Variants in DNAAF8 observed in about 807,000 individuals in gnomAD.
The protein encoded by DNAAF8 is dynein axonemal assembly factor 8, also known as dynein axonemal-associated protein 1.
A neutral mutation model predicts 54.6 loss-of-function variants in DNAAF8; 61 were observed. That is an observed-to-expected ratio of 1.12 (90% CI 0.91 to 1.38). The LOEUF (loss-of-function observed/expected upper bound fraction) is 1.38. Ranked by LOEUF, DNAAF8 falls within the 40% of genes most tolerant of loss-of-function variation. The pLI is 0.00. For synonymous variants in DNAAF8, 320 were observed against 270.1 expected (o/e 1.18, Z -1.81); for missense variants, 837 against 665.0 (o/e 1.26, Z -2.85).
At position 4,748,853 on chromosome 16, in the gene DNAAF8, G is replaced by T. The variant is rs1441835883; in HGVS notation, c.*138G>T. 6.6e-6 allele frequency: 1 copy of T among 152,348 alleles called. No homozygotes were observed. Among genetic ancestry groups the T allele is most frequent in the Non-Finnish European group, 1.5e-5 (1 of 68,152 alleles). 9.4% of individuals were successfully genotyped at this position (152,348 alleles called of 1,614,324 possible). A position where few individuals can be genotyped will look rare whatever the true frequency, so the allele number is the denominator to read the frequency against. ...TGGGACAGTGTCCCAGCTTCCCCTG[G>T]GGTTCACCCCTGGCTGCCAGGCCAC... On this transcript the variant is annotated 3_prime_UTR_variant, in exon 10 of 10. Transcript: ENST00000299320.
chr16:4,748,701 T>C (rs1426695362), intron 9 of DNAAF8, 24 bp from the exon 10 acceptor site: 1 of 152,380 alleles, frequency 6.6e-6, no homozygotes, highest in Non-Finnish European at 1.5e-5. Flanking sequence ...GGGCACCTGT[T>C]TGTCTCCCCA....
At chr16:4,748,509 G>A (rs1160184553) in intron 9 of DNAAF8, 1 of 152,110 alleles carries the variant, frequency 6.6e-6, no homozygotes. Flanking sequence ...TGTGTAGAAT[G>A]GAGCAGCGGC....
At chr16:4,747,120 G>A in intron 8 of DNAAF8, 95 bp downstream of exon 8, 1 of 1,302,814 alleles carries the variant, frequency 7.7e-7, no homozygotes, top group Non-Finnish European at 1.0e-6. Flanking sequence ...CTGTGGTGAG[G>A]TCTTGCTGCA....
intron 6 of DNAAF8, 135 bp from the exon 7 acceptor site, chr16:4,746,240 G>A (rs1203470204): frequency 1.0e-6 from 1 of 973,404 alleles, no homozygotes; most frequent in Non-Finnish European, 1.5e-6. Context: ...GAGCAAATGT[G>A]TTTAATGTGC....
At position 4,745,040 on chromosome 16, in the gene DNAAF8, G is replaced by A. The variant is rs201388594; in HGVS notation, c.1043+29G>A. On this transcript the variant is annotated intron_variant, in intron 6 of 9. Coordinates refer to ENST00000299320, the MANE Select transcript of DNAAF8 (RefSeq NM_139170.3). The stretch of plus-strand genomic sequence containing the variant: ...GGACTTGTAGCCAGGCCCGGCTCCT[G>A]TGGTCCTTTAGAATGGCCCCATGGT... 5.5e-5 allele frequency: 88 copies of A among 1,605,716 alleles called. 1 individual carries two copies. In the South Asian group the frequency reaches 8.1e-4, roughly 15 times the overall value.
chr16:4,734,664 C>G lies in DNAAF8; in HGVS notation c.-86C>G, dbSNP rs1291368404. 3 of 152,174 alleles carry G rather than the reference C, an allele frequency of 2.0e-5. No individual in the cohort carries two copies. The highest frequency in any genetic ancestry group is 2.9e-5 in the Non-Finnish European group (2 of 68,090). 9.4% of individuals were successfully genotyped at this position (152,174 alleles called of 1,614,324 possible). ...CGCTGGAGGCTGTTTATAGCGCTGTCAGGACAGCGCGGGGAGTGGAGGCAG... is the reference window on the plus strand; with the variant it reads ...CGCTGGAGGCTGTTTATAGCGCTGTGAGGACAGCGCGGGGAGTGGAGGCAG... On this transcript the variant is annotated 5_prime_UTR_variant, in exon 1 of 10. Transcript: ENST00000299320.
At position 4,747,561 on chromosome 16, in the gene DNAAF8, TG is replaced by T; in HGVS notation, c.1504del (p.Asp502MetfsTer12). On this transcript the variant is annotated frameshift_variant, in exon 9 of 10. Coordinates refer to ENST00000299320, the MANE Select transcript of DNAAF8 (RefSeq NM_139170.3). LOFTEE classifies it high-confidence loss of function. ...ARLPRGRPRALGDVPEPGAAR... is the reference protein window; with the variant it reads ...ARLPRGRPRAXGDVPEPGAAR... ...CTCCCAAGAGGCAGGCCCAGAGCCC[TG>T]GGGGATGTTCCTGAGCCAGGGGCAG... 6.2e-7 allele frequency: 1 copy of T among 1,611,980 alleles called. No individual in the cohort carries two copies. The highest frequency in any genetic ancestry group is 8.5e-7 in the Non-Finnish European group (1 of 1,179,640).
In DNAAF8 at chr16:4,736,518, G is replaced by T; in HGVS notation, c.4G>T (p.Ala2Ser). 1 of 1,548,622 alleles carries T rather than the reference G, an allele frequency of 6.5e-7. No homozygotes were observed. Among genetic ancestry groups the T allele is most frequent in the Non-Finnish European group, 8.8e-7 (1 of 1,139,032 alleles). The change falls in exon 2 of 10, where the codon GCA becomes TCA. Residue 2 changes from alanine (A) to serine (S), a missense_variant. Transcript: ENST00000299320. Reference sequence around the variant, plus strand: ...GCATCTGGAAGCCTGGGCCCTCATGGCATCCAACGATAAAGGCATGGCACC... The same window carrying T: ...GCATCTGGAAGCCTGGGCCCTCATGTCATCCAACGATAAAGGCATGGCACC... Reference protein sequence around the residue: MASNDKGMAPSL... With the variant: MSSNDKGMAPSL...
Position 4,740,484 on chromosome 16 carries a change from G to C in DNAAF8, c.608G>C (p.Arg203Thr), listed in dbSNP as rs748611740. The C allele has an allele frequency of 3.4e-5, 55 of 1,613,910 alleles. No individual in the cohort carries two copies. The East Asian group carries it at 1.1e-3, about 33-fold the overall frequency. Residue 203 changes from arginine to threonine, a missense_variant, in exon 4 of 10, where the codon AGA becomes ACA. Physicochemically the swap from Arg to Thr is moderately conservative, Grantham distance 71 (BLOSUM62 -1). Coordinates refer to ENST00000299320, the MANE Select transcript of DNAAF8 (RefSeq NM_139170.3). ...AACCGCCGGGCCCTCCGACAGGAGAGAAGGAAGATGATAGAGACGGACATC... is the reference window on the plus strand; with the variant it reads ...AACCGCCGGGCCCTCCGACAGGAGACAAGGAAGATGATAGAGACGGACATC... ...SVNRRALRQE[R>T]RKMIETDILQ...
chr16:4,739,108 C>G (rs1360866678), intron 3 of DNAAF8, among the ~76,000 whole-genome samples: 1 of 152,014 alleles, frequency 6.6e-6, no homozygotes, highest in African/African-American at 2.4e-5. Context: ...CCCAGCCATT[C>G]CTAGACCTAG....
chr16:4,744,751 G>C, intron 5 of DNAAF8, 119 bp from the exon 6 acceptor site: 1 of 1,293,046 alleles, frequency 7.7e-7, no homozygotes. Flanking sequence ...GGCGGGGGCA[G>C]TGGAGGAGCC....
chr16:4,749,293 TTTC>T lies in DNAAF8; in HGVS notation c.*582_*584del, dbSNP rs2082056185. On this transcript the variant is annotated 3_prime_UTR_variant, in exon 10 of 10. Transcript: ENST00000299320. ...AGCTGTCAAGAGCAAAGGCTTTTTT[TTTC>T]TTCAACCCCATTTTCTTCCATTTCT... 1 of 154,504 alleles carries T rather than the reference TTTC, an allele frequency of 6.5e-6. No individual in the cohort carries two copies. Among genetic ancestry groups the T allele is most frequent in the African/African-American group, 2.4e-5 (1 of 41,552 alleles). The allele number at this position is 154,504 out of a possible 1,614,324, so 9.6% of individuals were successfully genotyped here.
chr16:4,743,142 G>T lies in DNAAF8; in HGVS notation c.883G>T (p.Asp295Tyr). The T allele has an allele frequency of 1.2e-6, 2 of 1,605,912 alleles. No homozygotes were observed. The highest frequency in any genetic ancestry group is 2.2e-5 in the South Asian group (2 of 90,302). Residue 295 changes from aspartate (D) to tyrosine (Y), a missense_variant, in exon 5 of 10, where the codon GAC (aspartate) becomes TAC (tyrosine). By Grantham distance (160) the Asp-to-Tyr change is radical. Coordinates refer to ENST00000299320, the MANE Select transcript of DNAAF8 (RefSeq NM_139170.3). ...ACCTGGAACTGTGTGGTGGGCAGCT[G>T]ACCACCGCCAAGTTCAAGGTCTGAC... is the stretch of plus-strand genomic sequence containing the variant. ...RAPGTVWWAADHRQVQDRMVP... is the reference protein window; with the variant it reads ...RAPGTVWWAAYHRQVQDRMVP...
intron 3 of DNAAF8, among the ~76,000 whole-genome samples, chr16:4,738,685 C>G (rs1310098078): frequency 6.6e-6 from 1 of 152,114 alleles, no homozygotes; most frequent in African/African-American, 2.4e-5. Flanking sequence ...GAGTTTGAGA[C>G]CAGCCTGGCC....
At chr16:4,748,570 C>T (rs893459484) in intron 9 of DNAAF8, 155 bp from the exon 10 acceptor site, 1 of 152,286 alleles carries the variant, frequency 6.6e-6, no homozygotes, top group African/African-American at 2.4e-5. Flanking sequence ...TGCCCCCTGC[C>T]AAGACCCGGC....
At chr16:4,736,357 G>A (rs966479327) in intron 1 of DNAAF8, 107 bp from the exon 2 acceptor site, 9 of 748,484 alleles carry the variant, frequency 1.2e-5, no homozygotes, top group Admixed American at 8.2e-5. Flanking sequence ...TGAGGCAGGT[G>A]GTGAGGCCTG....
rs986166915 is a variant in DNAAF8, at chr16:4,736,372, C to G, written c.-51-92C>G. The G allele has an allele frequency of 3.1e-6, 3 of 969,252 alleles. No individual in the cohort carries two copies. In the African/African-American group the frequency reaches 5.1e-5, roughly 16 times the overall value. 60.0% of individuals were successfully genotyped at this position (969,252 alleles called of 1,614,324 possible). On this transcript the variant is annotated intron_variant, in intron 1 of 9. Coordinates refer to ENST00000299320, the MANE Select transcript of DNAAF8 (RefSeq NM_139170.3). Reference sequence around the variant, plus strand: ...TGAGGCAGGTGGTGAGGCCTGCCAGCCTGTTTGGTCTCCTACAGCTGGTAG... The same window carrying G: ...TGAGGCAGGTGGTGAGGCCTGCCAGGCTGTTTGGTCTCCTACAGCTGGTAG...
intron 8 of DNAAF8, 143 bp from the exon 9 acceptor site, chr16:4,747,200 T>A: frequency 8.1e-7 from 1 of 1,235,212 alleles, no homozygotes. Flanking sequence ...GTCCCAGCAG[T>A]GGCAGCAGTG....
rs1290012805 is a variant in DNAAF8, at chr16:4,736,510, C to A, written c.-5C>A. 5.2e-6 allele frequency: 8 copies of A among 1,543,220 alleles called. No homozygotes were observed. Among genetic ancestry groups the A allele is most frequent in the African/African-American group, 1.4e-5 (1 of 73,050 alleles). ...CTGAGAAGGCATCTGGAAGCCTGGG[C>A]CCTCATGGCATCCAACGATAAAGGC... On this transcript the variant is annotated 5_prime_UTR_variant, in exon 2 of 10. Transcript: ENST00000299320.
Sources: gnomAD v4.1 joint callset for allele counts (sites outside exome capture counted in the v4.1 genomes callset) on GRCh38, gnomAD v4.1.1 for gene constraint, MANE v1.5 for transcripts, NCBI Gene and HGNC (gene_info 2026-07-23, HGNC 2026-07-21) for gene names.